ZMAT4: variants seen among roughly 807,000 people sequenced by gnomAD.
The protein encoded by ZMAT4 is zinc finger matrin-type protein 4.
Under a neutral mutation model 28.7 loss-of-function variants are expected in ZMAT4, and 17 were observed. The ratio of observed to expected loss-of-function variants is 0.59; its 90% CI spans 0.41 to 0.89. The LOEUF (loss-of-function observed/expected upper bound fraction) is 0.89. ZMAT4 is among the 40% of genes least tolerant of loss of function. The probability of loss-of-function intolerance (pLI) is 0.00; values close to 1 mark genes in which losing one functional copy is unlikely to be tolerated. For synonymous variants in ZMAT4, 117 were observed against 109.2 expected (o/e 1.07, Z -0.44); for missense variants, 240 against 283.8 (o/e 0.85, Z 1.11).
intron 4 of ZMAT4, among the ~76,000 whole-genome samples, chr8:40,686,229 C>T (rs1809400106): frequency 1.3e-5 from 2 of 151,788 alleles, no homozygotes; most frequent in South Asian, 4.2e-4. Context: ...AAAAAAAAAT[C>T]ACAGGCGAGG....
chr8:40,725,165 T>C (rs913404111), intron 3 of ZMAT4, among the ~76,000 whole-genome samples: 1 of 152,292 alleles, frequency 6.6e-6, no homozygotes, highest in Middle Eastern at 3.4e-3. Flanking sequence ...CTGAGACACC[T>C]GTAAGTGTGT....
chr8:40,769,335 G>C (rs992663556), intron 2 of ZMAT4, among the ~76,000 whole-genome samples: 2 of 152,114 alleles, frequency 1.3e-5, no homozygotes, highest in African/African-American at 4.8e-5. Context: ...TGTCAGATGA[G>C]TCAACATTAT....
intron 6 of ZMAT4, among the ~76,000 whole-genome samples, chr8:40,555,158 T>C (rs1039105981): frequency 1.3e-5 from 2 of 152,206 alleles, no homozygotes; most frequent in Non-Finnish European, 2.9e-5. Flanking sequence ...TCTTTCTTTT[T>C]ATATGGCCAA....
intron 4 of ZMAT4, among the ~76,000 whole-genome samples, chr8:40,681,438 T>C (rs1809160932): frequency 6.6e-6 from 1 of 152,232 alleles, no homozygotes; most frequent in African/African-American, 2.4e-5. Flanking sequence ...CAAATATCAC[T>C]GTTTTTTTGC....
At chr8:40,633,504 T>G (rs1182520409) in intron 5 of ZMAT4, among the ~76,000 whole-genome samples, 1 of 152,152 alleles carries the variant, frequency 6.6e-6, no homozygotes, top group Non-Finnish European at 1.5e-5. Context: ...GGGGAGATAT[T>G]TGGGCAGAAG....
At chr8:40,723,224 A>G (rs1052344987) in intron 3 of ZMAT4, among the ~76,000 whole-genome samples, 3 of 152,072 alleles carry the variant, frequency 2.0e-5, no homozygotes, top group Non-Finnish European at 4.4e-5. Flanking sequence ...CCCAAAATAT[A>G]CCTTCTAATA....
chr8:40,762,696 G>T (rs1812989911), intron 3 of ZMAT4, among the ~76,000 whole-genome samples: 1 of 151,972 alleles, frequency 6.6e-6, no homozygotes, highest in South Asian at 2.1e-4. Flanking sequence ...AGAAGAGGCA[G>T]AGGTTTTTGT....
intron 6 of ZMAT4, among the ~76,000 whole-genome samples, chr8:40,557,339 A>T (rs1803576548): frequency 6.6e-6 from 1 of 151,994 alleles, no homozygotes; most frequent in Admixed American, 6.5e-5. Flanking sequence ...TTAGGTTCTT[A>T]ATCTAGCTCC....
At chr8:40,843,279 T>G (rs1334867764) in intron 1 of ZMAT4, among the ~76,000 whole-genome samples, 3 of 152,198 alleles carry the variant, frequency 2.0e-5, no homozygotes, top group African/African-American at 7.2e-5. Flanking sequence ...ACATTTCATT[T>G]GGGCAACCTC....
intron 1 of ZMAT4, among the ~76,000 whole-genome samples, chr8:40,859,065 G>GT (rs1363068403): frequency 1.3e-5 from 2 of 152,208 alleles, no homozygotes; most frequent in Non-Finnish European, 1.5e-5. Context: ...TGTAAATGCT[G>GT]TTTCTTCCCC....
intron 3 of ZMAT4, among the ~76,000 whole-genome samples, chr8:40,699,279 T>C (rs1006605854): frequency 4.6e-5 from 7 of 152,146 alleles, no homozygotes; most frequent in African/African-American, 1.4e-4. Context: ...GGTGCCTCTT[T>C]ACTACATGCT....
chr8:40,820,824 T>C, intron 2 of ZMAT4, among the ~76,000 whole-genome samples: 1 of 150,446 alleles, frequency 6.6e-6, no homozygotes, highest in Non-Finnish European at 1.5e-5. Context: ...TGTGTATGTG[T>C]ATGTTTATGT....
At chr8:40,609,427 T>A (rs545571612) in intron 5 of ZMAT4, among the ~76,000 whole-genome samples, 2 of 152,240 alleles carry the variant, frequency 1.3e-5, no homozygotes, top group South Asian at 4.1e-4. Flanking sequence ...CTCTACCCAT[T>A]GTCCCCTGGT....
Position 40,666,900 on chromosome 8 carries a change from G to T in ZMAT4, c.577+7804C>A, listed in dbSNP as rs977984227. 1.1e-4 allele frequency among the ~76,000 whole-genome samples: 16 copies of T among 151,754 alleles called. 1 individual carries two copies. Among genetic ancestry groups the T allele is most frequent in the African/African-American group, 3.9e-4 (16 of 41,396 alleles). On this transcript the variant is annotated intron_variant, in intron 5 of 6. Coordinates refer to ENST00000297737, the MANE Select transcript of ZMAT4 (RefSeq NM_024645.3). ...AATATCAAAAAATTAATAAAAATTA[G>T]GTATGTCATGAATGCCTAAAATATA...
Position 40,582,815 on chromosome 8 carries a change from C to T in ZMAT4, c.578-1554G>A, listed in dbSNP as rs145573060. Among the ~76,000 whole-genome samples, 452 of 152,258 alleles carry T rather than the reference C, an allele frequency of 3.0e-3. 3 individuals are homozygous for T. The highest frequency in any genetic ancestry group is 3.9e-3 in the Admixed American group (59 of 15,294). On this transcript the variant is annotated intron_variant, in intron 5 of 6. Coordinates refer to ENST00000297737, the MANE Select transcript of ZMAT4 (RefSeq NM_024645.3). ...CCCAGCACATAACAAGTGATCAATA[C>T]GGGCTTGCTATTTTTACTATTTTGA...
intron 6 of ZMAT4, among the ~76,000 whole-genome samples, chr8:40,563,384 C>G (rs570283884): frequency 6.6e-6 from 1 of 152,278 alleles, no homozygotes; most frequent in East Asian, 1.9e-4. Flanking sequence ...CAGGCAGGAA[C>G]CACACTGTTT....
At chr8:40,653,943 G>T (rs921338140) in intron 5 of ZMAT4, among the ~76,000 whole-genome samples, 1 of 152,214 alleles carries the variant, frequency 6.6e-6, no homozygotes, top group South Asian at 2.1e-4. Flanking sequence ...GCCAAAGATG[G>T]CCCCTGTATG....
chr8:40,741,715 G>A (rs1467950338), intron 3 of ZMAT4, among the ~76,000 whole-genome samples: 4 of 152,168 alleles, frequency 2.6e-5, no homozygotes, highest in Admixed American at 1.3e-4. Flanking sequence ...GCTGTGAAAT[G>A]TGCATTGCAT....
At position 40,713,277 on chromosome 8, in the gene ZMAT4, T is replaced by C. The variant is rs565838395; in HGVS notation, c.193-15876A>G. 2.6e-5 allele frequency among the ~76,000 whole-genome samples: 4 copies of C among 152,176 alleles called. No individual in the cohort carries two copies. In the South Asian group the frequency reaches 8.3e-4, roughly 32 times the overall value. ...GAAAATAATGAAACCATAAAGTCAC[T>C]AGGAGAAATAAATAGAAATACTCAT... On this transcript the variant is annotated intron_variant, in intron 3 of 6. Coordinates refer to ENST00000297737, the MANE Select transcript of ZMAT4 (RefSeq NM_024645.3).
Sources: gnomAD v4.1 joint callset for allele counts (sites outside exome capture counted in the v4.1 genomes callset) on GRCh38, gnomAD v4.1.1 for gene constraint, MANE v1.5 for transcripts, NCBI Gene and HGNC (gene_info 2026-07-23, HGNC 2026-07-21) for gene names.